The following MARCHF1 variants were observed in gnomAD, a reference collection of about 807,000 sequenced individuals.
MARCHF1 encodes the protein E3 ubiquitin-protein ligase MARCHF1.
A neutral mutation model predicts 54.2 loss-of-function variants in MARCHF1; 40 were observed. The observed-to-expected ratio is 0.74, with a 90% CI of 0.57 to 0.96. MARCHF1 has a LOEUF of 0.96. Ranked by LOEUF, MARCHF1 falls within the 40% of genes least tolerant of loss-of-function variation. MARCHF1 has a pLI of 0.00. For synonymous variants in MARCHF1, 236 were observed against 236.3 expected (o/e 1.00, Z 0.01); for missense variants, 586 against 656.5 (o/e 0.89, Z 1.17).
At chr4:164,179,665 C>A (rs1730781065) in intron 1 of MARCHF1, among the ~76,000 whole-genome samples, 1 of 152,006 alleles carries the variant, frequency 6.6e-6, no homozygotes, top group Non-Finnish European at 1.5e-5. Flanking sequence ...TTTGCACATT[C>A]ATCCTTTCCT....
intron 2 of MARCHF1, among the ~76,000 whole-genome samples, chr4:164,000,825 T>C (rs567900915): frequency 3.0e-4 from 46 of 151,696 alleles, no homozygotes; most frequent in Non-Finnish European, 6.1e-4. Context: ...CCTAATAAAA[T>C]GTTTACTATT....
At chr4:163,748,258 C>T (rs1220405872) in intron 4 of MARCHF1, among the ~76,000 whole-genome samples, 3 of 152,132 alleles carry the variant, frequency 2.0e-5, no homozygotes, top group Non-Finnish European at 2.9e-5. Flanking sequence ...GTTTTTCCCA[C>T]CACTCTGTTC....
chr4:164,018,602 G>C (rs1056720555), intron 2 of MARCHF1, among the ~76,000 whole-genome samples: 2 of 151,704 alleles, frequency 1.3e-5, no homozygotes, highest in African/African-American at 4.8e-5. Context: ...AAATAATCTG[G>C]GAAATGCAAA....
intron 5 of MARCHF1, among the ~76,000 whole-genome samples, chr4:163,652,409 C>A (rs764672049): frequency 1.3e-5 from 2 of 151,790 alleles, no homozygotes; most frequent in Non-Finnish European, 2.9e-5. Context: ...GCCATATTCA[C>A]TTCTTTTCTG....
intron 3 of MARCHF1, among the ~76,000 whole-genome samples, chr4:163,889,799 A>G (rs1392038037): frequency 1.3e-5 from 2 of 151,586 alleles, no homozygotes; most frequent in Non-Finnish European, 2.9e-5. Context: ...ACCTCAGCAT[A>G]TATTTTTCTA....
At chr4:163,914,285 T>C (rs1042669294) in intron 3 of MARCHF1, among the ~76,000 whole-genome samples, 1 of 152,092 alleles carries the variant, frequency 6.6e-6, no homozygotes, top group Non-Finnish European at 1.5e-5. Flanking sequence ...AAATTTTGTT[T>C]AAAGAGAATG....
chr4:163,850,017 C>G (rs1749599878), intron 4 of MARCHF1, among the ~76,000 whole-genome samples: 1 of 152,174 alleles, frequency 6.6e-6, no homozygotes, highest in Non-Finnish European at 1.5e-5. Context: ...TGGTTGGGTT[C>G]TGCCAATGGT....
chr4:163,776,312 A>G (rs1440083042), intron 4 of MARCHF1, among the ~76,000 whole-genome samples: 1 of 151,636 alleles, frequency 6.6e-6, no homozygotes, highest in Non-Finnish European at 1.5e-5. Flanking sequence ...TATCTGTTCT[A>G]TCTGTCTCTC....
intron 1 of MARCHF1, among the ~76,000 whole-genome samples, chr4:164,234,427 C>A (rs1215743065): frequency 6.6e-6 from 1 of 151,984 alleles, no homozygotes; most frequent in Non-Finnish European, 1.5e-5. Context: ...GCCATAAAAA[C>A]AACCATAAAA....
chr4:163,635,959 T>C (rs575240336), intron 5 of MARCHF1, among the ~76,000 whole-genome samples: 617 of 152,326 alleles, frequency 4.1e-3, no homozygotes, highest in African/African-American at 0.014. Context: ...TCGATAAATG[T>C]AATCCAGCAT....
At chr4:163,894,182 A>T (rs1750724771) in intron 3 of MARCHF1, among the ~76,000 whole-genome samples, 1 of 152,146 alleles carries the variant, frequency 6.6e-6, no homozygotes, top group Non-Finnish European at 1.5e-5. Context: ...GTCATCCTTC[A>T]GAGCTCAGCT....
chr4:163,802,749 C>T (rs987846419), intron 4 of MARCHF1, among the ~76,000 whole-genome samples: 11 of 152,128 alleles, frequency 7.2e-5, no homozygotes, highest in African/African-American at 2.7e-4. Flanking sequence ...GGACTTATTG[C>T]ATTTATAAAA....
chr4:164,181,109 G>T (rs549663621), intron 1 of MARCHF1, among the ~76,000 whole-genome samples: 1 of 152,176 alleles, frequency 6.6e-6, no homozygotes, highest in South Asian at 2.1e-4. Flanking sequence ...ACAGTGTGGG[G>T]TCCCCATTGC....
chr4:163,805,679 GA>G (rs915586401), intron 4 of MARCHF1, among the ~76,000 whole-genome samples: 1 of 152,208 alleles, frequency 6.6e-6, no homozygotes, highest in African/African-American at 2.4e-5. Context: ...AGAAGACACA[GA>G]TTTGAAGTGA....
intron 1 of MARCHF1, among the ~76,000 whole-genome samples, chr4:164,203,907 C>T (rs1015164334): frequency 1.3e-5 from 2 of 152,066 alleles, no homozygotes; most frequent in Non-Finnish European, 2.9e-5. Flanking sequence ...TTTTATTCTA[C>T]TATCATGTTT....
At chr4:163,837,149 A>G (rs141108407) in intron 4 of MARCHF1, among the ~76,000 whole-genome samples, 4 of 152,290 alleles carry the variant, frequency 2.6e-5, no homozygotes, top group African/African-American at 7.2e-5. Context: ...ATGAATCACA[A>G]TTAAGGGAAG....
At chr4:163,867,227 T>TA (rs1371831255) in intron 3 of MARCHF1, among the ~76,000 whole-genome samples, 10 of 151,864 alleles carry the variant, frequency 6.6e-5, no homozygotes, top group Non-Finnish European at 1.3e-4. Flanking sequence ...ACGCCCAACA[T>TA]AAAATCCCTC....
At chr4:163,697,075 C>G (rs1055542820) in intron 5 of MARCHF1, among the ~76,000 whole-genome samples, 1 of 152,062 alleles carries the variant, frequency 6.6e-6, no homozygotes, top group Non-Finnish European at 1.5e-5. Context: ...CAGGAGCAAG[C>G]TTCCAGAAAT....
intron 2 of MARCHF1, among the ~76,000 whole-genome samples, chr4:164,045,751 C>T (rs1468305060): frequency 6.6e-6 from 1 of 151,094 alleles, no homozygotes; most frequent in Non-Finnish European, 1.5e-5. Context: ...ACACTTCCTC[C>T]TCCTGATTTT....
Sources: allele counts gnomAD v4.1 joint callset (sites outside exome capture counted in the v4.1 genomes callset), GRCh38; gene constraint gnomAD v4.1.1; transcripts MANE v1.5; gene names NCBI Gene and HGNC (gene_info 2026-07-23, HGNC 2026-07-21).